Variants in TBX5 observed in about 807,000 individuals in gnomAD.
TBX5 encodes T-box transcription factor TBX5.
Under a neutral mutation model 51.1 loss-of-function variants are expected in TBX5, and 8 were observed. The observed-to-expected ratio is 0.16, with a 90% CI of 0.09 to 0.28. TBX5 has a LOEUF of 0.28. Ranked by LOEUF, TBX5 falls within the 10% of genes least tolerant of loss-of-function variation. TBX5 has a pLI of 1.00. For synonymous variants in TBX5, 302 were observed against 266.4 expected (o/e 1.13, Z -1.30); for missense variants, 589 against 671.7 (o/e 0.88, Z 1.36).
intron 5 of TBX5, among the ~76,000 whole-genome samples, chr12:114,396,556 T>C (rs1318896479): frequency 1.3e-5 from 2 of 152,032 alleles, no homozygotes; most frequent in Non-Finnish European, 2.9e-5. Context: ...GCCAGGAATT[T>C]GGTGGTGGGG....
chr12:114,407,016 T>G, upstream of TBX5: 1 of 983,398 alleles, frequency 1.0e-6, no homozygotes, highest in Non-Finnish European at 1.2e-6. Context: ...CCCATCATAC[T>G]GATTTTTCTA....
At chr12:114,378,846 C>T (rs1289581053) in intron 7 of TBX5, among the ~76,000 whole-genome samples, 1 of 152,104 alleles carries the variant, frequency 6.6e-6, no homozygotes, top group African/African-American at 2.4e-5. Flanking sequence ...CCATGTTGTC[C>T]AGGCTGGTCT....
intron 7 of TBX5, among the ~76,000 whole-genome samples, chr12:114,369,785 C>G (rs1043016456): frequency 4.6e-5 from 7 of 152,078 alleles, no homozygotes; most frequent in Non-Finnish European, 8.8e-5. Flanking sequence ...GAAATACAGG[C>G]AGCAAAAGGA....
chr12:114,393,278 G>A lies in TBX5; in HGVS notation c.663+1463C>T, dbSNP rs574623912. Reference sequence around the variant, plus strand: ...GGGGACTGTAGCTAAGAAAAGGGAGGGGCACACCATCTCCACATCCATCTA... The same window carrying A: ...GGGGACTGTAGCTAAGAAAAGGGAGAGGCACACCATCTCCACATCCATCTA... On this transcript the variant is annotated intron_variant, in intron 6 of 8. Transcript: ENST00000405440. Among the ~76,000 whole-genome samples, 193 of 79,322 alleles carry A rather than the reference G, an allele frequency of 2.4e-3. 1 individual carries two copies. The highest frequency in any genetic ancestry group is 6.2e-3 in the African/African-American group (186 of 29,764). The allele number at this position is 79,322 out of a possible 152,430, so 52.0% of individuals were successfully genotyped here. A position where few individuals can be genotyped will look rare whatever the true frequency, so the allele number is the denominator to read the frequency against.
intron 8 of TBX5, among the ~76,000 whole-genome samples, chr12:114,362,297 C>T (rs1020994876): frequency 5.3e-5 from 8 of 152,180 alleles, no homozygotes; most frequent in Admixed American, 6.5e-5. Context: ...CTCCAATGGA[C>T]GTGCACTGGT....
chr12:114,393,181 C>T (rs1044577788), intron 6 of TBX5, among the ~76,000 whole-genome samples: 1 of 152,174 alleles, frequency 6.6e-6, no homozygotes, highest in African/African-American at 2.4e-5. Flanking sequence ...AAGCCTTCCT[C>T]TCATCCTTCT....
At chr12:114,378,958 C>T (rs1870356609) in intron 7 of TBX5, among the ~76,000 whole-genome samples, 1 of 152,168 alleles carries the variant, frequency 6.6e-6, no homozygotes, top group South Asian at 2.1e-4. Flanking sequence ...CAGCAAGGAC[C>T]AGGTGGCTTC....
At chr12:114,365,493 G>T (rs1025752188) in intron 8 of TBX5, among the ~76,000 whole-genome samples, 1 of 152,070 alleles carries the variant, frequency 6.6e-6, no homozygotes, top group Non-Finnish European at 1.5e-5. Flanking sequence ...AAAACAGCAA[G>T]TTGCAAAATA....
intron 1 of TBX5, among the ~76,000 whole-genome samples, chr12:114,404,285 A>G (rs1172076877): frequency 1.3e-5 from 2 of 152,134 alleles, no homozygotes; most frequent in Non-Finnish European, 2.9e-5. Flanking sequence ...AATAAAGATA[A>G]GGCGTGGGTA....
chr12:114,356,274 T>C lies in TBX5; in HGVS notation c.983-168A>G, dbSNP rs186407200. Among the ~76,000 whole-genome samples the C allele has an allele frequency of 2.8e-3, 423 of 152,322 alleles. 2 individuals carry two copies. The highest frequency in any genetic ancestry group is 5.5e-3 in the Admixed American group (84 of 15,302). ...GGGTTGGATTGTAATGGTTAAGACC[T>C]TGGGCTATGGAGTTCTATGCAAACA... On this transcript the variant is annotated intron_variant, in intron 8 of 8. Transcript: ENST00000405440.
At chr12:114,364,785 A>T (rs934309929) in intron 8 of TBX5, among the ~76,000 whole-genome samples, 2 of 152,232 alleles carry the variant, frequency 1.3e-5, no homozygotes, top group African/African-American at 4.8e-5. Context: ...TTTAGGAAAC[A>T]TATCATTTAC....
At chr12:114,406,377 T>A (rs896302784), upstream of TBX5, among the ~76,000 whole-genome samples, 1 of 151,978 alleles carries the variant, frequency 6.6e-6, no homozygotes, top group Non-Finnish European at 1.5e-5. Flanking sequence ...CAAAAACTCC[T>A]GCACAAATCA....
At chr12:114,399,413 C>G (rs1202869909) in intron 4 of TBX5, 100 bp downstream of exon 4, 2 of 1,247,842 alleles carry the variant, frequency 1.6e-6, no homozygotes, top group Non-Finnish European at 2.3e-6. Context: ...ACAGTAGGAA[C>G]TAAAAAAAAA....
At chr12:114,361,572 G>C (rs1869242837) in intron 8 of TBX5, among the ~76,000 whole-genome samples, 3 of 152,140 alleles carry the variant, frequency 2.0e-5, no homozygotes, top group Non-Finnish European at 4.4e-5. Flanking sequence ...ATAGTTTGGA[G>C]ACAGCCGGTT....
intron 5 of TBX5, 130 bp downstream of exon 5, chr12:114,398,443 T>G: frequency 1.5e-6 from 2 of 1,332,932 alleles, no homozygotes; most frequent in Non-Finnish European, 2.1e-6. Flanking sequence ...GCGACGAAAG[T>G]GGGGGAAAAT....
chr12:114,380,692 T>C (rs966694271), intron 7 of TBX5, among the ~76,000 whole-genome samples: 2 of 152,176 alleles, frequency 1.3e-5, no homozygotes, highest in African/African-American at 4.8e-5. Context: ...TAGCTGGGCA[T>C]GGTGGTATGC....
At chr12:114,393,561 C>T (rs1006444414) in intron 6 of TBX5, among the ~76,000 whole-genome samples, 1 of 152,148 alleles carries the variant, frequency 6.6e-6, no homozygotes, top group Admixed American at 6.5e-5. Flanking sequence ...AGAGGTGAAT[C>T]CTGACAAGTC....
At chr12:114,395,863 T>A (rs1410174626) in intron 5 of TBX5, among the ~76,000 whole-genome samples, 2 of 152,126 alleles carry the variant, frequency 1.3e-5, no homozygotes, top group Non-Finnish European at 2.9e-5. Flanking sequence ...GGCTGCACGT[T>A]CTTGCTGGAG....
rs1401865425 is a variant in TBX5 at position 114,354,132 on chromosome 12, T to C, written c.*1400A>G. ...TTACCCTGTTCTCTTTATTAGGGTC[T>C]GTTTATAAAAAAGGAAAAAAAAAAT... On this transcript the variant is annotated 3_prime_UTR_variant, in exon 9 of 9. Coordinates refer to ENST00000405440, the MANE Select transcript of TBX5 (RefSeq NM_181486.4). The C allele has an allele frequency of 9.3e-6, 1 of 107,102 alleles. No individual in the cohort carries two copies. Among genetic ancestry groups the C allele is most frequent in the African/African-American group, 3.6e-5 (1 of 27,808 alleles). 6.6% of individuals were successfully genotyped at this position (107,102 alleles called of 1,614,324 possible).
Sources: gnomAD v4.1 joint callset for allele counts (sites outside exome capture counted in the v4.1 genomes callset) on GRCh38, gnomAD v4.1.1 for gene constraint, MANE v1.5 for transcripts, NCBI Gene and HGNC (gene_info 2026-07-23, HGNC 2026-07-21) for gene names.